Variants in ABTB3 observed in about 807,000 individuals in gnomAD.
The protein encoded by ABTB3 is ankyrin repeat and BTB domain containing 3.
chr12:107,477,660 A>G, the ABTB3 span, among the ~76,000 whole-genome samples: 1 of 152,162 alleles, frequency 6.6e-6, no homozygotes, highest in Non-Finnish European at 1.5e-5. Flanking sequence ...ATTCTATTTT[A>G]TGCACCAACA....
chr12:107,582,703 T>C, the ABTB3 span, among the ~76,000 whole-genome samples: 1 of 152,240 alleles, frequency 6.6e-6, no homozygotes, highest in African/African-American at 2.4e-5. Context: ...GAGCAGCTTG[T>C]AGGTAGAAGT....
the ABTB3 span, among the ~76,000 whole-genome samples, chr12:107,579,416 C>T: frequency 2.1e-4 from 32 of 152,294 alleles, no homozygotes; most frequent in African/African-American, 7.7e-4. Flanking sequence ...TCTTGTGGTC[C>T]AGGGCATGAT....
chr12:107,609,442 G>A, the ABTB3 span, among the ~76,000 whole-genome samples: 1 of 152,196 alleles, frequency 6.6e-6, no homozygotes, highest in Non-Finnish European at 1.5e-5. Context: ...GCCCTGGGCT[G>A]GCTGGATGAC....
chr12:107,422,900 C>A, the ABTB3 span, among the ~76,000 whole-genome samples: 1 of 152,186 alleles, frequency 6.6e-6, no homozygotes, highest in Non-Finnish European at 1.5e-5. Flanking sequence ...TCACATGTAG[C>A]CCCCAGCAGC....
the ABTB3 span, among the ~76,000 whole-genome samples, chr12:107,487,501 C>T: frequency 1.3e-5 from 2 of 152,020 alleles, no homozygotes; most frequent in Admixed American, 6.6e-5. Flanking sequence ...GGAGGTGTTC[C>T]TTGGGGAAGG....
At chr12:107,602,233 G>A in the ABTB3 span, among the ~76,000 whole-genome samples, 119 of 152,332 alleles carry the variant, frequency 7.8e-4, no homozygotes, top group Non-Finnish European at 1.9e-4. Flanking sequence ...AACCATGCTG[G>A]ACAGGGATGG....
chr12:107,625,377 T>C, the ABTB3 span, among the ~76,000 whole-genome samples: 12 of 152,224 alleles, frequency 7.9e-5, no homozygotes, highest in African/African-American at 2.4e-4. Flanking sequence ...ATGGGTGCTC[T>C]TTGATTGAAA....
At chr12:107,541,700 A>T in the ABTB3 span, among the ~76,000 whole-genome samples, 1 of 152,258 alleles carries the variant, frequency 6.6e-6, no homozygotes, top group African/African-American at 2.4e-5. Context: ...CTATTGATTT[A>T]AATGTTAATC....
chr12:107,395,465 G>A, the ABTB3 span, among the ~76,000 whole-genome samples: 4 of 152,174 alleles, frequency 2.6e-5, no homozygotes, highest in African/African-American at 9.7e-5. Context: ...GCACTCCCCT[G>A]TGCTGTGTGC....
the ABTB3 span, among the ~76,000 whole-genome samples, chr12:107,325,341 A>G: frequency 3.3e-5 from 5 of 152,232 alleles, no homozygotes; most frequent in Non-Finnish European, 7.3e-5. Context: ...GTGTTGGACC[A>G]AAAATGTCAC....
the ABTB3 span, chr12:107,640,342 T>A: frequency 5.0e-6 from 8 of 1,596,106 alleles, no homozygotes; most frequent in Middle Eastern, 3.3e-4. Context: ...AAGAAATGTC[T>A]GATGTTACAT....
At chr12:107,344,902 G>T in the ABTB3 span, among the ~76,000 whole-genome samples, 19 of 152,304 alleles carry the variant, frequency 1.2e-4, no homozygotes, top group East Asian at 3.3e-3. Flanking sequence ...TGATTGATTT[G>T]CTTTTAAAAT....
the ABTB3 span, among the ~76,000 whole-genome samples, chr12:107,489,721 A>C: frequency 2.2e-4 from 33 of 152,302 alleles, no homozygotes; most frequent in African/African-American, 7.2e-4. Context: ...GAATAGTTTG[A>C]TAAAATGTGA....
chr12:107,488,687 T>A, the ABTB3 span, among the ~76,000 whole-genome samples: 2,944 of 150,174 alleles, frequency 0.02, 40 homozygotes, highest in Non-Finnish European at 0.031. Flanking sequence ...ATATTATATA[T>A]TATAAAATTT....
the ABTB3 span, among the ~76,000 whole-genome samples, chr12:107,646,153 T>A: frequency 6.6e-6 from 1 of 152,258 alleles, no homozygotes; most frequent in Non-Finnish European, 1.5e-5. Context: ...GGGTGCCATT[T>A]GAATCCCTGC....
chr12:107,397,619 G>A, the ABTB3 span, among the ~76,000 whole-genome samples: 3 of 152,022 alleles, frequency 2.0e-5, no homozygotes, highest in African/African-American at 7.3e-5. Context: ...TTAAAATTTT[G>A]TTATGGTCAA....
At chr12:107,586,576 G>C in the ABTB3 span, among the ~76,000 whole-genome samples, 18 of 152,292 alleles carry the variant, frequency 1.2e-4, no homozygotes, top group East Asian at 3.3e-3. Context: ...TGGAGCCGCT[G>C]CCTCCCCCGA....
At chr12:107,609,898 C>A in the ABTB3 span, 77 of 350,536 alleles carry the variant, frequency 2.2e-4, 7 homozygotes, top group Non-Finnish European at 5.4e-6. Context: ...TTAATTCATG[C>A]AAAGAGCTTA....
chr12:107,448,835 T>C, the ABTB3 span, among the ~76,000 whole-genome samples: 1 of 152,112 alleles, frequency 6.6e-6, no homozygotes, highest in Non-Finnish European at 1.5e-5. Context: ...CCTCCCAAAG[T>C]GCTGGGATTA....
Sources: allele counts gnomAD v4.1 joint callset (sites outside exome capture counted in the v4.1 genomes callset), GRCh38; gene constraint gnomAD v4.1.1; transcripts MANE v1.5; gene names NCBI Gene and HGNC (gene_info 2026-07-23, HGNC 2026-07-21).